Variants in SIDT1 observed in about 807,000 individuals in gnomAD.
The protein encoded by SIDT1 is SID1 transmembrane family, member 1.
Under a neutral mutation model 107.5 loss-of-function variants are expected in SIDT1, and 101 were observed. The ratio of observed to expected loss-of-function variants is 0.94; its 90% CI spans 0.80 to 1.11. SIDT1 has a LOEUF of 1.11. Ranked by LOEUF, SIDT1 falls within the 50% of genes least tolerant of loss-of-function variation. SIDT1 has a pLI of 0.00. For missense variants in SIDT1, 1,076 were observed against 1,058.2 expected, an observed-to-expected ratio of 1.02 and a Z score of -0.23; for synonymous variants, 395 against 398.2, an observed-to-expected ratio of 0.99 and a Z score of 0.10.
At chr3:113,556,611 G>A (rs938949775) in intron 1 of SIDT1, among the ~76,000 whole-genome samples, 27 of 152,142 alleles carry the variant, frequency 1.8e-4, no homozygotes, top group African/African-American at 5.8e-4. Flanking sequence ...CAATCAGGCA[G>A]CTCCAAACCA....
intron 3 of SIDT1, among the ~76,000 whole-genome samples, chr3:113,576,353 G>C (rs192800413): frequency 5.5e-4 from 83 of 152,272 alleles, no homozygotes; most frequent in African/African-American, 1.7e-3. Context: ...ACTAAATCTT[G>C]GGGAATTTCA....
At chr3:113,562,496 C>T (rs1430894839) in intron 1 of SIDT1, among the ~76,000 whole-genome samples, 2 of 152,108 alleles carry the variant, frequency 1.3e-5, no homozygotes, top group East Asian at 1.9e-4. Flanking sequence ...AATGGATAAA[C>T]AGGATGTGGT....
At chr3:113,587,273 T>C (rs750311622) in intron 9 of SIDT1, among the ~76,000 whole-genome samples, 4 of 152,144 alleles carry the variant, frequency 2.6e-5, no homozygotes, top group African/African-American at 4.8e-5. Context: ...AATGAGGTAA[T>C]AAGCTAACAA....
intron 1 of SIDT1, among the ~76,000 whole-genome samples, chr3:113,557,196 C>G (rs1202829686): frequency 7.2e-5 from 11 of 152,096 alleles, no homozygotes; most frequent in Admixed American, 7.2e-4. Flanking sequence ...TTAGGCCTGG[C>G]CTCCATGTTA....
intron 21 of SIDT1, among the ~76,000 whole-genome samples, chr3:113,622,903 A>T (rs1946562783): frequency 6.6e-6 from 1 of 152,092 alleles, no homozygotes. Flanking sequence ...AGTTACTTAT[A>T]TAGGCAAGGC....
chr3:113,608,483 G>C lies in SIDT1; in HGVS notation c.1667G>C (p.Gly556Ala), dbSNP rs773252869. The change falls in exon 17 of 25, where the codon GGG becomes GCG. Residue 556 changes from glycine to alanine, a missense_variant. Transcript: ENST00000264852. ...YAMGIALMMEGVLSACYHVCP... is the reference protein window; with the variant it reads ...YAMGIALMMEAVLSACYHVCP... ...ATGGGCATTGCATTGATGATGGAAG[G>C]GGTGCTCAGTGCTTGCTACCATGTC... is the stretch of plus-strand genomic sequence containing the variant. 1 of 1,614,002 alleles carries C rather than the reference G, an allele frequency of 6.2e-7. No individual in the cohort carries two copies. The highest frequency in any genetic ancestry group is 8.5e-7 in the Non-Finnish European group (1 of 1,179,998).
intron 17 of SIDT1, among the ~76,000 whole-genome samples, chr3:113,609,047 A>G (rs1047517505): frequency 2.1e-5 from 3 of 144,892 alleles, no homozygotes; most frequent in Non-Finnish European, 4.5e-5. Flanking sequence ...TTATACAGTC[A>G]TGAGCCCATT....
Position 113,623,613 on chromosome 3 carries a change from C to G in SIDT1, c.2197-10C>G. ...GTCGCGTGAGGCCGCATCTGCTTCTCCTCCCACAGCTCCGCAGCTCTGAAA... is the reference window on the plus strand; with the variant it reads ...GTCGCGTGAGGCCGCATCTGCTTCTGCTCCCACAGCTCCGCAGCTCTGAAA... On this transcript the variant is annotated splice_polypyrimidine_tract_variant and intron_variant, in intron 22 of 24. Transcript: ENST00000264852. 1 of 1,607,458 alleles carries G rather than the reference C, an allele frequency of 6.2e-7. No homozygotes were observed. Among genetic ancestry groups the G allele is most frequent in the Non-Finnish European group, 8.5e-7 (1 of 1,174,120 alleles).
At chr3:113,616,582 T>A (rs1946122831) in intron 20 of SIDT1, among the ~76,000 whole-genome samples, 1 of 151,996 alleles carries the variant, frequency 6.6e-6, no homozygotes, top group South Asian at 2.1e-4. Context: ...GATGGGATGA[T>A]CTGTGTAGCA....
intron 9 of SIDT1, among the ~76,000 whole-genome samples, chr3:113,591,182 A>G (rs1405431575): frequency 3.9e-5 from 6 of 152,022 alleles, no homozygotes; most frequent in Non-Finnish European, 7.3e-5. Flanking sequence ...AAGAAAATGA[A>G]TACTCCCCTG....
chr3:113,612,193 A>C lies in SIDT1; in HGVS notation c.1965A>C (p.Ile655=). The change falls in exon 19 of 25, where the codon ATA becomes ATC. Residue 655 remains isoleucine (I), a splice_region_variant and synonymous_variant. Transcript: ENST00000264852. ...TATATTATATGGGTCGTTTCAAGAT[A>C]GGTGAGTCACCTGTTAATTCTATAC... ...TQIYYMGRFK[I]DLGIFRRAAM... 6.2e-7 allele frequency: 1 copy of C among 1,602,044 alleles called. No individual in the cohort carries two copies. Among genetic ancestry groups the C allele is most frequent in the Non-Finnish European group, 8.6e-7 (1 of 1,168,978 alleles).
rs746896224 is a variant in SIDT1 at position 113,619,632 on chromosome 3, A to G, written c.2044-48A>G. The stretch of plus-strand genomic sequence containing the variant: ...CTTCTACACAGTAGGTTAAAAGAAA[A>G]GTAGGCTGTGCAGCCTCTCATTTGA... On this transcript the variant is annotated intron_variant, in intron 20 of 24. Transcript: ENST00000264852. 3 of 1,527,900 alleles carry G rather than the reference A, an allele frequency of 2.0e-6. 1 individual carries two copies. In the Admixed American group the frequency reaches 5.1e-5, roughly 26 times the overall value. The allele number at this position is 1,527,900 out of a possible 1,614,324, so 94.6% of individuals were successfully genotyped here.
intron 3 of SIDT1, among the ~76,000 whole-genome samples, chr3:113,571,246 T>TA (rs1318178772): frequency 6.6e-6 from 1 of 151,894 alleles, no homozygotes; most frequent in Non-Finnish European, 1.5e-5. Flanking sequence ...ACATAGTCTC[T>TA]AAAAAAATAA....
intron 3 of SIDT1, among the ~76,000 whole-genome samples, chr3:113,571,911 G>A (rs1942493065): frequency 6.6e-6 from 1 of 151,900 alleles, no homozygotes; most frequent in South Asian, 2.1e-4. Context: ...CTCCAGCCTG[G>A]GCCATAGAGC....
chr3:113,581,336 A>T (rs2271494), intron 5 of SIDT1, 25 bp from the exon 6 acceptor site: 703,072 of 1,591,484 alleles, frequency 0.44, 159,831 homozygotes, highest in East Asian at 0.8. Context: ...GATGCTTTCC[A>T]TTTTATTCCT....
At chr3:113,616,750 G>A (rs541457111) in intron 20 of SIDT1, among the ~76,000 whole-genome samples, 13 of 151,358 alleles carry the variant, frequency 8.6e-5, no homozygotes, top group African/African-American at 1.9e-4. Context: ...GTGCAGTGGC[G>A]CGATCTTGGC....
chr3:113,606,028 G>GAA (rs35259067), intron 14 of SIDT1, among the ~76,000 whole-genome samples: 26 of 140,486 alleles, frequency 1.9e-4, no homozygotes, highest in South Asian at 6.8e-4. Context: ...GGAAAAAAAA[G>GAA]AAAAAAAAAA....
intron 10 of SIDT1, among the ~76,000 whole-genome samples, chr3:113,599,865 G>C (rs1022809825): frequency 2.0e-5 from 3 of 152,086 alleles, no homozygotes; most frequent in Non-Finnish European, 4.4e-5. Flanking sequence ...AATTTGTGAA[G>C]AGAGTAGATT....
rs201820793 is a variant in SIDT1, at chr3:113,601,634, C to T, written c.1092C>T (p.Pro364=). The T allele has an allele frequency of 4.3e-5, 70 of 1,613,740 alleles. No homozygotes were observed. The highest frequency in any genetic ancestry group is 5.5e-5 in the Non-Finnish European group (65 of 1,179,704). Residue 364 remains proline (P), a synonymous_variant, in exon 11 of 25, where the codon CCC becomes CCT. Coordinates refer to ENST00000264852, the MANE Select transcript of SIDT1 (RefSeq NM_017699.3). The part of the protein sequence containing the change: ...VASHPIAAST[P]EGSNYGTIDE... ...CTCATCCCATTGCTGCCAGCACACC[C>T]GAAGGGAGCAATTATGGGACAATAG...
Sources: allele counts gnomAD v4.1 joint callset (sites outside exome capture counted in the v4.1 genomes callset), GRCh38; gene constraint gnomAD v4.1.1; transcripts MANE v1.5; gene names NCBI Gene and HGNC (gene_info 2026-07-23, HGNC 2026-07-21).